Variants in ST8SIA2 observed in about 807,000 individuals in gnomAD.
ST8SIA2 encodes alpha-2,8-sialyltransferase 8B.
Under a neutral mutation model 37.6 loss-of-function variants are expected in ST8SIA2, and 22 were observed. The ratio of observed to expected loss-of-function variants is 0.58; its 90% CI spans 0.42 to 0.83. The LOEUF (loss-of-function observed/expected upper bound fraction) is 0.83, where lower values mean the gene tolerates loss of function less well. Among genes scored for constraint, ST8SIA2 ranks in the 40% least tolerant of loss-of-function variants. The pLI is 0.00. For synonymous variants in ST8SIA2, 205 were observed against 201.2 expected (o/e 1.02, Z -0.16); for missense variants, 382 against 484.7 (o/e 0.79, Z 1.99).
At chr15:92,456,653 A>G (rs1294080997) in intron 5 of ST8SIA2, among the ~76,000 whole-genome samples, 1 of 152,184 alleles carries the variant, frequency 6.6e-6, no homozygotes, top group Non-Finnish European at 1.5e-5. Flanking sequence ...GCTAGCCAGG[A>G]CCACATAGGA....
intron 5 of ST8SIA2, among the ~76,000 whole-genome samples, chr15:92,461,065 A>G (rs1013795575): frequency 2.0e-5 from 3 of 152,232 alleles, no homozygotes; most frequent in Non-Finnish European, 4.4e-5. Context: ...TGGGCCTTTC[A>G]AACGAGACAT....
At chr15:92,400,401 T>C (rs1263867982) in intron 1 of ST8SIA2, among the ~76,000 whole-genome samples, 2 of 152,188 alleles carry the variant, frequency 1.3e-5, no homozygotes, top group Non-Finnish European at 2.9e-5. Context: ...ATGCCAAAAA[T>C]AAGCATTCAG....
intron 1 of ST8SIA2, among the ~76,000 whole-genome samples, chr15:92,415,467 C>T (rs538106329): frequency 6.6e-6 from 1 of 151,872 alleles, no homozygotes; most frequent in East Asian, 1.9e-4. Context: ...AACCCAAATG[C>T]CTTTAGGGTC....
intron 4 of ST8SIA2, among the ~76,000 whole-genome samples, chr15:92,439,745 C>G (rs572459173): frequency 6.6e-6 from 1 of 152,222 alleles, no homozygotes; most frequent in East Asian, 1.9e-4. Context: ...ACAGCTCAGT[C>G]CCTGTTTTTC....
chr15:92,394,520 A>G (rs943587146), intron 1 of ST8SIA2, among the ~76,000 whole-genome samples: 1 of 151,398 alleles, frequency 6.6e-6, no homozygotes, highest in Non-Finnish European at 1.5e-5. Flanking sequence ...GGAGGGGCCG[A>G]GAGTGGAGGG....
At chr15:92,434,757 C>T (rs1182593678) in intron 3 of ST8SIA2, among the ~76,000 whole-genome samples, 1 of 152,232 alleles carries the variant, frequency 6.6e-6, no homozygotes, top group Admixed American at 6.5e-5. Context: ...CTTTCAGTGA[C>T]AGTCCTCCAG....
At chr15:92,400,416 T>C (rs1249889195) in intron 1 of ST8SIA2, among the ~76,000 whole-genome samples, 1 of 152,228 alleles carries the variant, frequency 6.6e-6, no homozygotes, top group East Asian at 1.9e-4. Context: ...ATTCAGCCTC[T>C]CTGCTCCCAA....
intron 5 of ST8SIA2, among the ~76,000 whole-genome samples, chr15:92,461,703 G>A (rs932151502): frequency 6.6e-6 from 1 of 152,238 alleles, no homozygotes; most frequent in Non-Finnish European, 1.5e-5. Flanking sequence ...AGGGTGGCAC[G>A]GGCCAGGTCT....
intron 3 of ST8SIA2, among the ~76,000 whole-genome samples, chr15:92,436,103 A>G (rs7177050): frequency 0.6 from 91,688 of 151,924 alleles, 28,781 homozygotes; most frequent in African/African-American, 0.77. Flanking sequence ...ATTGTATTTA[A>G]GGCCCACCCG....
At chr15:92,462,623 T>C (rs2049965318) in intron 5 of ST8SIA2, among the ~76,000 whole-genome samples, 1 of 152,190 alleles carries the variant, frequency 6.6e-6, no homozygotes, top group Admixed American at 6.5e-5. Flanking sequence ...GATTATACAG[T>C]CACATGCATC....
intron 1 of ST8SIA2, among the ~76,000 whole-genome samples, chr15:92,406,972 C>T (rs2141804777): frequency 7.9e-6 from 1 of 126,368 alleles, no homozygotes; most frequent in East Asian, 2.3e-4. Flanking sequence ...CCAGCCTGGG[C>T]ATCAAGAATG....
intron 1 of ST8SIA2, among the ~76,000 whole-genome samples, chr15:92,403,958 G>A (rs923662820): frequency 2.6e-5 from 4 of 152,228 alleles, no homozygotes; most frequent in East Asian, 1.9e-4. Flanking sequence ...AGGCAGCAAC[G>A]TGCTGACAGA....
chr15:92,408,994 A>G (rs1188664273), intron 1 of ST8SIA2, among the ~76,000 whole-genome samples: 3 of 152,114 alleles, frequency 2.0e-5, no homozygotes, highest in Admixed American at 6.5e-5. Context: ...ATGAGCTACC[A>G]TGCCCAGCTG....
chr15:92,464,073 T>A, intron 5 of ST8SIA2, 27 bp from the exon 6 acceptor site: 1 of 406,286 alleles, frequency 2.5e-6, no homozygotes, highest in Non-Finnish European at 3.4e-6. Flanking sequence ...GTTTCTTTTC[T>A]TTTTTTTTTT....
chr15:92,413,032 G>T (rs116907870), intron 1 of ST8SIA2, among the ~76,000 whole-genome samples: 3 of 152,052 alleles, frequency 2.0e-5, no homozygotes, highest in East Asian at 1.9e-4. Flanking sequence ...GCTGGCTGGT[G>T]GGGGGTGTAG....
At chr15:92,405,969 G>A (rs139520176) in intron 1 of ST8SIA2, among the ~76,000 whole-genome samples, 5 of 152,252 alleles carry the variant, frequency 3.3e-5, no homozygotes, top group East Asian at 3.9e-4. Flanking sequence ...CCTCCCAGAC[G>A]CAGCTTCCAG....
At chr15:92,394,622 GT>G (rs1446381837) in intron 1 of ST8SIA2, among the ~76,000 whole-genome samples, 1 of 152,190 alleles carries the variant, frequency 6.6e-6, no homozygotes, top group Non-Finnish European at 1.5e-5. Context: ...TGGGGGAGGG[GT>G]TCCTGGGGCC....
At chr15:92,439,494 G>A (rs900631762) in intron 4 of ST8SIA2, among the ~76,000 whole-genome samples, 5 of 152,276 alleles carry the variant, frequency 3.3e-5, no homozygotes, top group Non-Finnish European at 5.9e-5. Context: ...CATTCCAGCC[G>A]GCTCCCCAGC....
chr15:92,433,806 G>A (rs1300859108), intron 2 of ST8SIA2, among the ~76,000 whole-genome samples: 3 of 152,200 alleles, frequency 2.0e-5, no homozygotes, highest in African/African-American at 7.2e-5. Flanking sequence ...GGAGGGTGAA[G>A]CCACAGGCTA....
Sources: allele counts gnomAD v4.1 joint callset (sites outside exome capture counted in the v4.1 genomes callset), GRCh38; gene constraint gnomAD v4.1.1; transcripts MANE v1.5; gene names NCBI Gene and HGNC (gene_info 2026-07-23, HGNC 2026-07-21).